KCNAB2: variants seen among roughly 807,000 people sequenced by gnomAD.
KCNAB2 encodes potassium voltage-gated channel subfamily A regulatory beta subunit 2.
In KCNAB2, 29 loss-of-function variants were observed where a neutral mutation model predicts 63.6. The ratio of observed to expected loss-of-function variants is 0.46; its 90% confidence interval spans 0.34 to 0.62. The LOEUF (loss-of-function observed/expected upper bound fraction) is 0.62. Ranked by LOEUF, KCNAB2 falls within the 20% of genes least tolerant of loss-of-function variation. The probability of loss-of-function intolerance (pLI) is 0.01; values close to 1 mark genes in which losing one functional copy is unlikely to be tolerated. For missense variants in KCNAB2, 359 were observed against 563.9 expected, an observed-to-expected ratio of 0.64 and a Z score of 3.68; for synonymous variants, 222 against 224.2, an observed-to-expected ratio of 0.99 and a Z score of 0.09.
At chr1:6,072,871 C>A (rs181804752) in intron 3 of KCNAB2, 73 bp downstream of exon 3, 4 of 1,488,728 alleles carry the variant, frequency 2.7e-6, no homozygotes, top group African/African-American at 2.8e-5. Flanking sequence ...CTGAACTGGA[C>A]ACCCCTTGGG....
In KCNAB2 at chr1:6,078,037, T is replaced by C. The variant is rs182371439; in HGVS notation, c.301-4158T>C. Among the ~76,000 whole-genome samples, 3 of 148,704 alleles carry C rather than the reference T, an allele frequency of 2.0e-5. No individual in the cohort carries two copies. The highest frequency in any genetic ancestry group is 2.5e-5 in the African/African-American group (1 of 39,306). ...GTCCAGGAGTCAGCCGGGCCGGGCT[T>C]CCTTCTCCCGGCCAGGACCTTTCCC... On this transcript the variant is annotated intron_variant, in intron 4 of 15. Coordinates refer to ENST00000378083, the MANE Select transcript of KCNAB2 (RefSeq NM_001199862.2). The surrounding 1 kb of genome is among the most constrained non-coding windows in gnomAD (Gnocchi z 4.2).
In KCNAB2 at chr1:6,100,688, T is replaced by A. The variant is rs1312428603; in HGVS notation, c.*2114T>A. The A allele has an allele frequency of 6.6e-6, 1 of 152,316 alleles. No individual in the cohort carries two copies. The highest frequency in any genetic ancestry group is 2.4e-5 in the African/African-American group (1 of 41,462). The allele number at this position is 152,316 out of a possible 1,614,324, so 9.4% of individuals were successfully genotyped here. On this transcript the variant is annotated 3_prime_UTR_variant, in exon 16 of 16. Coordinates refer to ENST00000378083, the MANE Select transcript of KCNAB2 (RefSeq NM_001199862.2). ...GAGAGGCCAGGCCCCAGTGTCAGGA[T>A]GCAGTCAGCCTCTGGCGCAGCTCTT... is the stretch of plus-strand genomic sequence containing the variant.
intron 2 of KCNAB2, among the ~76,000 whole-genome samples, chr1:6,065,799 A>G (rs1662693763): frequency 6.6e-6 from 1 of 151,774 alleles, no homozygotes; most frequent in South Asian, 2.1e-4. Flanking sequence ...GGAGGAGAAA[A>G]TGCGCACCCC....
rs1663451176 is a variant in KCNAB2 at position 6,073,989 on chromosome 1, C to G, written c.300+219C>G. ...GGGATGCCGAGTCTGGTGCCATCAC[C>G]CAGCAGTGGATGCCTCGGGCCTCAG... On this transcript the variant is annotated intron_variant, in intron 4 of 15. Transcript: ENST00000378083. This position sits in a 1 kb window ranked among gnomAD's most constrained non-coding sequence, Gnocchi z 5.7. 3.4e-6 allele frequency: 2 copies of G among 591,156 alleles called. No homozygotes were observed. The highest frequency in any genetic ancestry group is 5.6e-5 in the East Asian group (2 of 35,676). The allele number at this position is 591,156 out of a possible 1,614,324, so 36.6% of individuals were successfully genotyped here. A position where few individuals can be genotyped will look rare whatever the true frequency, so the allele number is the denominator to read the frequency against.
At position 6,086,498 on chromosome 1, in the gene KCNAB2, C is replaced by A; in HGVS notation, c.426-969C>A. 1.7e-6 allele frequency: 1 copy of A among 577,530 alleles called. No individual in the cohort carries two copies. Among genetic ancestry groups the A allele is most frequent in the Non-Finnish European group, 2.2e-6 (1 of 457,312 alleles). 35.8% of individuals were successfully genotyped at this position (577,530 alleles called of 1,614,324 possible). ...TCGGGGCAGAGGAGGCCTCCTACTCCAGCCTCGTGAGCTGCTTCCCTGAGC... is the reference window on the plus strand; with the variant it reads ...TCGGGGCAGAGGAGGCCTCCTACTCAAGCCTCGTGAGCTGCTTCCCTGAGC... On this transcript the variant is annotated intron_variant, in intron 6 of 15. Transcript: ENST00000378083. The surrounding 1 kb of genome is among the most constrained non-coding windows in gnomAD (Gnocchi z 4.2).
chr1:6,096,344 G>C lies in KCNAB2; in HGVS notation c.949-292G>C, dbSNP rs1373325286. The C allele has an allele frequency of 2.1e-6, 1 of 487,566 alleles. No homozygotes were observed. Among genetic ancestry groups the C allele is most frequent in the Non-Finnish European group, 3.8e-6 (1 of 265,626 alleles). The allele number at this position is 487,566 out of a possible 1,614,324, so 30.2% of individuals were successfully genotyped here. On this transcript the variant is annotated intron_variant, in intron 13 of 15. Coordinates refer to ENST00000378083, the MANE Select transcript of KCNAB2 (RefSeq NM_001199862.2). This position sits in a 1 kb window ranked among gnomAD's most constrained non-coding sequence, Gnocchi z 5.9. ...AGGCTGCCAAGTTTCCTAAGAGAAG[G>C]AAGGCCAGCACCTCGCCTCCTTGTC...
chr1:6,057,047 C>T (rs543098469), intron 2 of KCNAB2, among the ~76,000 whole-genome samples: 11 of 151,664 alleles, frequency 7.3e-5, no homozygotes, highest in Non-Finnish European at 1.3e-4. Flanking sequence ...GAGTTTAGGT[C>T]GGAAGGCGCT....
intron 1 of KCNAB2, among the ~76,000 whole-genome samples, chr1:6,017,956 A>T (rs1483020078): frequency 6.6e-6 from 1 of 152,296 alleles, no homozygotes; most frequent in East Asian, 1.9e-4. Context: ...TCAGTTGCCT[A>T]GGCGGGAATG....
chr1:6,041,711 CG>C (rs1660513500), upstream of KCNAB2: 2 of 853,040 alleles, frequency 2.3e-6, no homozygotes, highest in Non-Finnish European at 3.9e-6. Context: ...GGTGGGGGCC[CG>C]GGGGCATGGG....
At chr1:5,997,173 T>G (rs563228903) in intron 1 of KCNAB2, among the ~76,000 whole-genome samples, 1 of 152,286 alleles carries the variant, frequency 6.6e-6, no homozygotes, top group Admixed American at 6.5e-5. Flanking sequence ...CCATCCTGCC[T>G]GGAGCTCAGG....
Position 6,073,276 on chromosome 1 carries a change from ACCGCCCACTGCAGTACACACACC to A in KCNAB2, c.263-450_263-428del, listed in dbSNP as rs1557483721. ...GCAGTACACACACCCCCACACACAC[ACCGCCCACTGCAGTACACACACC>A]CCGCCCCCCACCAGCACCCACTGCC... is the stretch of plus-strand genomic sequence containing the variant. On this transcript the variant is annotated intron_variant, in intron 3 of 15. Coordinates refer to ENST00000378083, the MANE Select transcript of KCNAB2 (RefSeq NM_001199862.2). The surrounding 1 kb of genome is among the most constrained non-coding windows in gnomAD (Gnocchi z 5.7). 6.7e-6 allele frequency among the ~76,000 whole-genome samples: 1 copy of A among 149,722 alleles called. No individual in the cohort carries two copies. The highest frequency in any genetic ancestry group is 1.5e-5 in the Non-Finnish European group (1 of 67,396).
At chr1:6,059,999 A>G (rs965568436) in intron 2 of KCNAB2, among the ~76,000 whole-genome samples, 6 of 152,196 alleles carry the variant, frequency 3.9e-5, no homozygotes, top group Non-Finnish European at 7.3e-5. Flanking sequence ...ATGTCCTGTC[A>G]TCGGTCCTGT....
rs1663826888 is a variant in KCNAB2, at chr1:6,078,015, C to T, written c.301-4180C>T. 6.7e-6 allele frequency among the ~76,000 whole-genome samples: 1 copy of T among 149,772 alleles called. No individual in the cohort carries two copies. The highest frequency in any genetic ancestry group is 6.6e-5 in the Admixed American group (1 of 15,146). On this transcript the variant is annotated intron_variant, in intron 4 of 15. Transcript: ENST00000378083. This position sits in a 1 kb window ranked among gnomAD's most constrained non-coding sequence, Gnocchi z 4.2. ...AACTCGGTACCCCTGAGCCTAAGTC[C>T]AGGAGTCAGCCGGGCCGGGCTTCCT...
In KCNAB2 at chr1:6,003,601, G is replaced by A. The variant is rs566223996; in HGVS notation, c.-53+10813G>A. Among the ~76,000 whole-genome samples the A allele has an allele frequency of 3.3e-5, 5 of 152,198 alleles. No individual in the cohort carries two copies. The East Asian group carries it at 7.7e-4, about 23-fold the overall frequency. On this transcript the variant is annotated intron_variant, in intron 1 of 16. Transcript: ENST00000341524. This position sits in a 1 kb window ranked among gnomAD's most constrained non-coding sequence, Gnocchi z 4.1. ...GAATCAGGCTGTGGGAAACGTTTGTGTGCATCTCGCTTTATTTCCTCTCTT... is the reference window on the plus strand; with the variant it reads ...GAATCAGGCTGTGGGAAACGTTTGTATGCATCTCGCTTTATTTCCTCTCTT...
At chr1:5,993,653 G>A (rs1656722509) in intron 1 of KCNAB2, among the ~76,000 whole-genome samples, 1 of 152,194 alleles carries the variant, frequency 6.6e-6, no homozygotes. Flanking sequence ...CATTTGTCCT[G>A]GGGGCTCTTA....
intron 2 of KCNAB2, among the ~76,000 whole-genome samples, chr1:6,053,655 G>A (rs987015171): frequency 2.0e-5 from 3 of 152,172 alleles, no homozygotes; most frequent in African/African-American, 7.2e-5. Flanking sequence ...CGATGATGCA[G>A]GAGGGGCCAG....
rs557371600 is a variant in KCNAB2, at chr1:6,074,010, C to G, written c.300+240C>G. On this transcript the variant is annotated intron_variant, in intron 4 of 15. Transcript: ENST00000378083. The surrounding 1 kb of genome is among the most constrained non-coding windows in gnomAD (Gnocchi z 4.9). ...TCACCCAGCAGTGGATGCCTCGGGC[C>G]TCAGCATGTCCCTTAAGCTCCCCAG... Among the ~76,000 whole-genome samples the G allele has an allele frequency of 1.3e-5, 2 of 152,352 alleles. No individual in the cohort carries two copies. The highest frequency in any genetic ancestry group is 3.9e-4 in the East Asian group (2 of 5,184).
intron 1 of KCNAB2, among the ~76,000 whole-genome samples, chr1:5,998,914 TG>T (rs1261378551): frequency 6.6e-6 from 1 of 152,178 alleles, no homozygotes; most frequent in African/African-American, 2.4e-5. Flanking sequence ...TGGTGACCTT[TG>T]GACTTTGCCG....
At chr1:6,061,981 A>C (rs756685606) in intron 2 of KCNAB2, among the ~76,000 whole-genome samples, 2 of 152,114 alleles carry the variant, frequency 1.3e-5, no homozygotes, top group Non-Finnish European at 2.9e-5. Flanking sequence ...TGTTTTATAC[A>C]GACTTTCCGG....
Sources: allele counts gnomAD v4.1 joint callset (sites outside exome capture counted in the v4.1 genomes callset), GRCh38; gene constraint gnomAD v4.1.1; non-coding constraint Gnocchi (gnomAD v3.1); transcripts MANE v1.5; gene names NCBI Gene and HGNC (gene_info 2026-07-23, HGNC 2026-07-21).